PNPLA7: variants seen among roughly 807,000 people sequenced by gnomAD.
PNPLA7 encodes patatin-like phospholipase domain-containing protein 7.
A neutral mutation model predicts 161.7 loss-of-function variants in PNPLA7; 153 were observed. The observed-to-expected ratio is 0.95, with a 90% CI of 0.83 to 1.08. PNPLA7 has a LOEUF of 1.08. Ranked by LOEUF, PNPLA7 falls within the 50% of genes least tolerant of loss-of-function variation. The probability of loss-of-function intolerance (pLI) is 0.00; values close to 1 mark genes in which losing one functional copy is unlikely to be tolerated. For missense variants in PNPLA7, 1,739 were observed against 1,856.6 expected, an observed-to-expected ratio of 0.94 and a Z score of 1.16; for synonymous variants, 809 against 782.1, an observed-to-expected ratio of 1.03 and a Z score of -0.57.
chr9:137,512,310 C>T (rs1441911732), intron 12 of PNPLA7, among the ~76,000 whole-genome samples: 2 of 152,270 alleles, frequency 1.3e-5, no homozygotes, highest in African/African-American at 4.8e-5. Context: ...GGGGAGGCTT[C>T]TCCACATGAC....
rs879354625 is a variant in PNPLA7, at chr9:137,461,467, G to C, written c.3841+69C>G. 5.0e-5 allele frequency: 73 copies of C among 1,469,574 alleles called. No individual in the cohort carries two copies. In the Admixed American group the frequency reaches 1.4e-3, roughly 28 times the overall value. The allele number at this position is 1,469,574 out of a possible 1,614,324, so 91.0% of individuals were successfully genotyped here. A position where few individuals can be genotyped will look rare whatever the true frequency, so the allele number is the denominator to read the frequency against. On this transcript the variant is annotated intron_variant, in intron 33 of 34. Coordinates refer to ENST00000406427, the MANE Select transcript of PNPLA7 (RefSeq NM_001098537.3). ...AGGCCGTGGGCCTCTGGGGTGGGGG[G>C]GTTCAAGCCCAACACAGCATCAGGA... is the stretch of plus-strand genomic sequence containing the variant.
At chr9:137,464,871 C>T (rs569717458) in intron 26 of PNPLA7, 31 of 214,380 alleles carry the variant, frequency 1.4e-4, no homozygotes, top group South Asian at 8.6e-4. Context: ...GCCAGGGGGA[C>T]ACAGTGGATT....
Position 137,493,115 on chromosome 9 carries a change from G to A in PNPLA7, c.2128-33C>T, listed in dbSNP as rs1435364776. 4.4e-6 allele frequency: 7 copies of A among 1,606,908 alleles called. No homozygotes were observed. The East Asian group carries it at 6.7e-5, about 15-fold the overall frequency. On this transcript the variant is annotated intron_variant, in intron 19 of 34. Transcript: ENST00000406427. ...CAGACACAGGAGCCAAGAGCCACAC[G>A]TTTTAAACTGAGAAACACTGGGAAC...
Position 137,467,379 on chromosome 9 carries a change from C to A in PNPLA7, c.2977G>T (p.Ala993Ser). ...GGTSIGAFVG[A>S]LYSEERNYSQ... ...TAGTTCCGCTCCTCAGAGTACAGGGCACCCACGAAGGCCCCGATGGACGTG... is the reference window on the plus strand; with the variant it reads ...TAGTTCCGCTCCTCAGAGTACAGGGAACCCACGAAGGCCCCGATGGACGTG... Residue 993 changes from alanine to serine, a missense_variant, in exon 26 of 35, where the codon GCC becomes TCC. Coordinates refer to ENST00000406427, the MANE Select transcript of PNPLA7 (RefSeq NM_001098537.3). This position sits in a 1 kb window ranked among gnomAD's most constrained non-coding sequence, Gnocchi z 5.1. 3.1e-6 allele frequency: 5 copies of A among 1,613,630 alleles called. No homozygotes were observed. The highest frequency in any genetic ancestry group is 4.2e-6 in the Non-Finnish European group (5 of 1,179,998).
chr9:137,519,859 G>C, intron 11 of PNPLA7, 58 bp downstream of exon 11: 3 of 1,567,320 alleles, frequency 1.9e-6, no homozygotes, highest in Non-Finnish European at 2.6e-6. Flanking sequence ...GAGGCAGTGG[G>C]AGCAGGATCC....
At chr9:137,477,941 CCT>C (rs926697986) in intron 25 of PNPLA7, 91 bp downstream of exon 25, 33 of 1,058,954 alleles carry the variant, frequency 3.1e-5, no homozygotes, top group East Asian at 6.5e-5. Context: ...GGTGACACCC[CCT>C]GTCCCCCGCA....
At chr9:137,510,913 T>C (rs1190433390) in intron 12 of PNPLA7, among the ~76,000 whole-genome samples, 3 of 152,188 alleles carry the variant, frequency 2.0e-5, no homozygotes, top group Non-Finnish European at 4.4e-5. Context: ...ATATTCGAAA[T>C]AGGATATAGA....
At position 137,499,277 on chromosome 9, in the gene PNPLA7, C is replaced by G. The variant is rs1303521470; in HGVS notation, c.1758-1032G>C. Among the ~76,000 whole-genome samples the G allele has an allele frequency of 4.0e-5, 6 of 151,444 alleles. No individual in the cohort carries two copies. The highest frequency in any genetic ancestry group is 8.8e-5 in the Non-Finnish European group (6 of 67,810). The stretch of plus-strand genomic sequence containing the variant: ...GGAGACACACATGGACACATGTAGA[C>G]ACAGAGACAGACACACGGACACATG... On this transcript the variant is annotated intron_variant, in intron 16 of 34. Transcript: ENST00000406427. This position sits in a 1 kb window ranked among gnomAD's most constrained non-coding sequence, Gnocchi z 5.5.
chr9:137,481,867 T>C (rs555423075), intron 21 of PNPLA7, among the ~76,000 whole-genome samples: 2 of 151,944 alleles, frequency 1.3e-5, no homozygotes, highest in East Asian at 1.9e-4. Flanking sequence ...ACTCGGGAGG[T>C]GGAGCTTGCA....
chr9:137,501,190 G>T (rs776811302), intron 15 of PNPLA7, among the ~76,000 whole-genome samples: 14 of 152,210 alleles, frequency 9.2e-5, no homozygotes, highest in African/African-American at 3.4e-4. Context: ...GCAAATGCGC[G>T]TCAGCCCAGC....
chr9:137,550,041 T>G, intron 1 of PNPLA7, 127 bp downstream of exon 1: 2 of 1,138,854 alleles, frequency 1.8e-6, no homozygotes, highest in Non-Finnish European at 2.6e-6. Flanking sequence ...ACTCCCACAG[T>G]CCTCAGGCGC....
intron 20 of PNPLA7, among the ~76,000 whole-genome samples, chr9:137,485,308 G>A (rs1442641810): frequency 1.3e-5 from 2 of 151,992 alleles, no homozygotes; most frequent in East Asian, 1.9e-4. Context: ...AGGCCTCATC[G>A]GAGTAAACCA....
chr9:137,500,924 C>G lies in PNPLA7; in HGVS notation c.1552-28G>C. On this transcript the variant is annotated intron_variant, in intron 15 of 34. Coordinates refer to ENST00000406427, the MANE Select transcript of PNPLA7 (RefSeq NM_001098537.3). The surrounding 1 kb of genome is among the most constrained non-coding windows in gnomAD (Gnocchi z 5.5). ...GACACACGAGAGGGCTCAGGAGGCG[C>G]CGCGAGTGGCCGCGGGCAGGACGGG... 2 of 1,534,534 alleles carry G rather than the reference C, an allele frequency of 1.3e-6. No individual in the cohort carries two copies. Among genetic ancestry groups the G allele is most frequent in the Non-Finnish European group, 1.7e-6 (2 of 1,143,528 alleles).
At chr9:137,509,478 T>C (rs893838962) in intron 12 of PNPLA7, 1 of 252,160 alleles carries the variant, frequency 4.0e-6, no homozygotes, top group African/African-American at 2.2e-5. Flanking sequence ...TGAGTTTAGC[T>C]GGTACGAGTG....
At chr9:137,488,319 G>A (rs931400723) in intron 20 of PNPLA7, among the ~76,000 whole-genome samples, 9 of 152,122 alleles carry the variant, frequency 5.9e-5, no homozygotes, top group Admixed American at 3.3e-4. Flanking sequence ...CTTTCCTCTC[G>A]CCTCTCCAGG....
chr9:137,520,565 G>A lies in PNPLA7; in HGVS notation c.958-522C>T, dbSNP rs1354378866. 6.6e-6 allele frequency among the ~76,000 whole-genome samples: 1 copy of A among 152,228 alleles called. No individual in the cohort carries two copies. The highest frequency in any genetic ancestry group is 2.4e-5 in the African/African-American group (1 of 41,442). On this transcript the variant is annotated intron_variant, in intron 10 of 34. Coordinates refer to ENST00000406427, the MANE Select transcript of PNPLA7 (RefSeq NM_001098537.3). The surrounding 1 kb of genome is among the most constrained non-coding windows in gnomAD (Gnocchi z 5.2). ...ATGCACATACTAAAGACTAATGCGT[G>A]CTGGGCCTTTACTAACCGAGCTCCA...
In PNPLA7 at chr9:137,464,195, C is replaced by T; in HGVS notation, c.3157G>A (p.Asp1053Asn). 1.2e-6 allele frequency: 2 copies of T among 1,613,818 alleles called. No homozygotes were observed. Among genetic ancestry groups the T allele is most frequent in the Non-Finnish European group, 1.7e-6 (2 of 1,179,990 alleles). Residue 1053 changes from aspartate (D) to asparagine (N), a missense_variant and splice_region_variant, in exon 28 of 35, where the codon GAC (aspartate) becomes AAC (asparagine). By Grantham distance (23) the Asp-to-Asn change is conservative. Around this residue, in one of 6 missense-constraint regions of PNPLA7, gnomAD observed 703 missense variants for 694.6 expected, o/e 1.01. Coordinates refer to ENST00000406427, the MANE Select transcript of PNPLA7 (RefSeq NM_001098537.3). Reference protein sequence around the residue: ...FSVFKDQQIEDLWIPYFAITT... With the variant: ...FSVFKDQQIENLWIPYFAITT... ...ATGGCGAAATAAGGAATCCACAGGT[C>T]CTGCGGGCGGACGGGGCTCAGATGG...
At position 137,490,555 on chromosome 9, in the gene PNPLA7, C is replaced by T. The variant is rs1174244099; in HGVS notation, c.2197+2458G>A. On this transcript the variant is annotated intron_variant, in intron 20 of 34. Coordinates refer to ENST00000406427, the MANE Select transcript of PNPLA7 (RefSeq NM_001098537.3). The surrounding 1 kb of genome is among the most constrained non-coding windows in gnomAD (Gnocchi z 4.1). ...GTATTTCTGCCAAACCAGAATTATA[C>T]ATCCAGCAAAAGCACCCTTCAGCAT... Among the ~76,000 whole-genome samples, 10 of 152,288 alleles carry T rather than the reference C, an allele frequency of 6.6e-5. No homozygotes were observed. The highest frequency in any genetic ancestry group is 1.9e-4 in the East Asian group (1 of 5,178).
At position 137,547,467 on chromosome 9, in the gene PNPLA7, C is replaced by T; in HGVS notation, c.106-71G>A. 2 of 1,597,892 alleles carry T rather than the reference C, an allele frequency of 1.3e-6. No homozygotes were observed. The highest frequency in any genetic ancestry group is 1.7e-5 in the Admixed American group (1 of 59,958). ...CTAACCCTAGCCCTAAGCCTGCCCCCACCCCTGGCTGCCCAACCACAGGCT... is the reference window on the plus strand; with the variant it reads ...CTAACCCTAGCCCTAAGCCTGCCCCTACCCCTGGCTGCCCAACCACAGGCT... On this transcript the variant is annotated intron_variant, in intron 2 of 34. Coordinates refer to ENST00000406427, the MANE Select transcript of PNPLA7 (RefSeq NM_001098537.3). The surrounding 1 kb of genome is among the most constrained non-coding windows in gnomAD (Gnocchi z 4.6).
Sources: allele counts gnomAD v4.1 joint callset (sites outside exome capture counted in the v4.1 genomes callset), GRCh38; gene constraint gnomAD v4.1.1; regional missense constraint gnomAD v4.1.1; non-coding constraint Gnocchi (gnomAD v3.1); transcripts MANE v1.5; gene names NCBI Gene and HGNC (gene_info 2026-07-23, HGNC 2026-07-21).